The following TPD52L3 variants were observed in gnomAD, a reference collection of about 807,000 sequenced individuals.
TPD52L3 encodes TPD52 like 3.
Under a neutral mutation model 8.7 loss-of-function variants are expected in TPD52L3, and 12 were observed. The ratio of observed to expected loss-of-function variants is 1.38; its 90% confidence interval spans 0.89 to 2.24. TPD52L3 has a LOEUF of 2.24. Among genes scored for constraint, TPD52L3 ranks in the 30% most tolerant of loss-of-function variants. TPD52L3 has a pLI of 0.00. For missense variants in TPD52L3, 207 were observed against 158.7 expected (o/e 1.30, Z -1.64); for synonymous variants, 79 against 66.8 (o/e 1.18, Z -0.89).
intron 1 of TPD52L3, chr9:6,330,711 CT>C (rs1370988399): frequency 8.0e-7 from 1 of 1,250,490 alleles, no homozygotes; most frequent in Non-Finnish European, 1.0e-6. Flanking sequence ...ACCAAAATGG[CT>C]TTGTATGCTG....
At chr9:6,330,026 G>A in intron 1 of TPD52L3, 2 of 1,389,818 alleles carry the variant, frequency 1.4e-6, no homozygotes, top group Non-Finnish European at 1.9e-6. Flanking sequence ...AGGGGCTGGA[G>A]GAAAACAGGT....
In TPD52L3 at chr9:6,330,760, A is replaced by T. The variant is rs917699507; in HGVS notation, c.368-216A>T. The T allele has an allele frequency of 5.3e-6, 7 of 1,311,720 alleles. 1 individual carries two copies. The highest frequency in any genetic ancestry group is 6.8e-6 in the Non-Finnish European group (7 of 1,028,226). 81.3% of individuals were successfully genotyped at this position (1,311,720 alleles called of 1,614,324 possible). ...TGAGCCTGCAGCATACAAGAAATGA[A>T]AGTAGTCCAACAGGCAAAGGCTTTG... On this transcript the variant is annotated intron_variant, in intron 1 of 1. Transcript: ENST00000314556.
intron 1 of TPD52L3, chr9:6,330,698 T>A: frequency 8.1e-7 from 1 of 1,237,948 alleles, no homozygotes; most frequent in Non-Finnish European, 1.0e-6. Flanking sequence ...GTTGTGTTTA[T>A]CAACCAAAAT....
rs7035756 is a variant in TPD52L3 at position 6,331,274 on chromosome 9, A to G, written c.*255A>G. The stretch of plus-strand genomic sequence containing the variant: ...AAAATAGAGCTGTGTGCCAGAGATA[A>G]AAGAAGTCCTGAGGAAGGGGTGTTC... On this transcript the variant is annotated 3_prime_UTR_variant, in exon 2 of 2. Coordinates refer to ENST00000314556, the MANE Select transcript of TPD52L3 (RefSeq NM_001001874.3). 9.8e-3 allele frequency: 3,370 copies of G among 344,330 alleles called. 99 individuals carry two copies. The highest frequency in any genetic ancestry group is 0.066 in the African/African-American group (3,139 of 47,318). 21.3% of individuals were successfully genotyped at this position (344,330 alleles called of 1,614,324 possible). A position where few individuals can be genotyped will look rare whatever the true frequency, so the allele number is the denominator to read the frequency against.
intron 1 of TPD52L3, chr9:6,329,617 T>C (rs1447593388): frequency 1.0e-6 from 1 of 1,001,626 alleles, no homozygotes; most frequent in Non-Finnish European, 1.2e-6. Flanking sequence ...CTTCCCTCAG[T>C]CTCAAAGTCA....
At chr9:6,329,310 G>A in intron 1 of TPD52L3, 1 of 1,202,964 alleles carries the variant, frequency 8.3e-7, no homozygotes, top group Non-Finnish European at 1.0e-6. Context: ...ATCCAGTTTT[G>A]AGAAAAGAAC....
At position 6,331,206 on chromosome 9, in the gene TPD52L3, A is replaced by G. The variant is rs1729983569; in HGVS notation, c.*187A>G. ...GAATTAGACATCGTATGTGCCCTCT[A>G]GAAACACTTAGACTTTCAAATCATT... On this transcript the variant is annotated 3_prime_UTR_variant, in exon 2 of 2. Coordinates refer to ENST00000314556, the MANE Select transcript of TPD52L3 (RefSeq NM_001001874.3). 1.8e-6 allele frequency: 1 copy of G among 540,852 alleles called. No homozygotes were observed. Among genetic ancestry groups the G allele is most frequent in the Non-Finnish European group, 3.3e-6 (1 of 304,838 alleles). 33.5% of individuals were successfully genotyped at this position (540,852 alleles called of 1,614,324 possible).
chr9:6,329,034 G>T (rs779744144), intron 1 of TPD52L3, 72 bp downstream of exon 1: 5 of 1,610,242 alleles, frequency 3.1e-6, no homozygotes, highest in Non-Finnish European at 4.2e-6. Flanking sequence ...TTTCTTCTGC[G>T]GAGGGTGGGG....
intron 1 of TPD52L3, chr9:6,329,720 T>C (rs1358847787): frequency 5.0e-6 from 5 of 1,002,728 alleles, no homozygotes; most frequent in East Asian, 2.3e-4. Flanking sequence ...GAGGGGAAAA[T>C]AGTGGTAGTG....
In TPD52L3 at chr9:6,330,964, T is replaced by C. The variant is rs1397186859; in HGVS notation, c.368-12T>C. The C allele has an allele frequency of 6.2e-7, 1 of 1,612,246 alleles. No homozygotes were observed. Among genetic ancestry groups the C allele is most frequent in the Admixed American group, 1.7e-5 (1 of 59,804 alleles). ...ATTTTTGCTGATCATTGTTTTCCCA[T>C]TTCTGGCTTAGGATTGATCTTCAAT... On this transcript the variant is annotated splice_polypyrimidine_tract_variant and intron_variant, in intron 1 of 1. Transcript: ENST00000314556.
intron 1 of TPD52L3, 68 bp downstream of exon 1, chr9:6,329,030 C>G (rs745917794): frequency 1.9e-6 from 3 of 1,611,330 alleles, no homozygotes; most frequent in Admixed American, 1.7e-5. Context: ...TGTCTTTCTT[C>G]TGCGGAGGGT....
chr9:6,330,886 G>T (rs2130619612), intron 1 of TPD52L3, 90 bp from the exon 2 acceptor site: 1 of 1,570,936 alleles, frequency 6.4e-7, no homozygotes, highest in Non-Finnish European at 8.6e-7. Flanking sequence ...TACAACAGTA[G>T]TAAGTTTCCC....
chr9:6,329,170 C>G, intron 1 of TPD52L3: 1 of 1,456,224 alleles, frequency 6.9e-7, no homozygotes, highest in South Asian at 1.5e-5. Flanking sequence ...AGAATGAGCC[C>G]CCTTGGTAAC....
intron 1 of TPD52L3, chr9:6,330,654 T>C: frequency 3.4e-6 from 4 of 1,188,814 alleles, no homozygotes; most frequent in Non-Finnish European, 4.2e-6. Context: ...TAAAACAAGA[T>C]GTTTTACTAT....
Position 6,331,075 on chromosome 9 carries a change from C to G in TPD52L3, c.*56C>G. The G allele has an allele frequency of 6.4e-7, 1 of 1,562,146 alleles. No individual in the cohort carries two copies. The highest frequency in any genetic ancestry group is 8.7e-7 in the Non-Finnish European group (1 of 1,143,660). ...TCCAAGAGACTATCAACAACATGAACTTGTTCACAAGTTCCTTCTGCTTTT... is the reference window on the plus strand; with the variant it reads ...TCCAAGAGACTATCAACAACATGAAGTTGTTCACAAGTTCCTTCTGCTTTT... On this transcript the variant is annotated 3_prime_UTR_variant, in exon 2 of 2. Transcript: ENST00000314556.
chr9:6,328,707 A>T lies in TPD52L3; in HGVS notation c.112A>T (p.Lys38Ter), dbSNP rs1392767149. 7.4e-6 allele frequency: 12 copies of T among 1,614,126 alleles called. No homozygotes were observed. Among genetic ancestry groups the T allele is most frequent in the Admixed American group, 1.7e-5 (1 of 60,024 alleles). ...EQRELKTKLT[K>*]LEAEIVTLRH... The stretch of plus-strand genomic sequence containing the variant: ...AAGAGAGCTCAAAACCAAACTCACT[A>T]AATTGGAGGCTGAAATTGTAACCCT... Residue 38 changes from lysine (K) to a stop codon, truncating the protein, a stop_gained, in exon 1 of 2, where the codon AAA becomes TAA. Transcript: ENST00000314556. LOFTEE classifies it high-confidence loss of function.
Sources: gnomAD v4.1 joint callset for allele counts on GRCh38, gnomAD v4.1.1 for gene constraint, MANE v1.5 for transcripts, NCBI Gene and HGNC (gene_info 2026-07-23, HGNC 2026-07-21) for gene names.